The following MLIP variants were observed in gnomAD, a reference collection of about 807,000 sequenced individuals.
The protein encoded by MLIP is muscular LMNA-interacting protein.
In MLIP, 79 loss-of-function variants were observed where a neutral mutation model predicts 84.8. The observed-to-expected ratio is 0.93, with a 90% CI of 0.78 to 1.12. MLIP has a LOEUF of 1.12. Among genes scored for constraint, MLIP ranks in the 50% most tolerant of loss-of-function variants. The pLI, the probability that MLIP is intolerant of heterozygous loss-of-function variation, is 0.00. For synonymous variants in MLIP, 504 were observed against 463.0 expected (o/e 1.09, Z -1.14); for missense variants, 1,257 against 1,160.6 (o/e 1.08, Z -1.21).
rs79036898 is a variant in MLIP at position 54,048,659 on chromosome 6, T to C, written c.63+29568T>C. Among the ~76,000 whole-genome samples, 76 of 152,252 alleles carry C rather than the reference T, an allele frequency of 5.0e-4. 1 individual carries two copies. The South Asian group carries it at 7.0e-3, about 14-fold the overall frequency. ...GTTCAAGGCATAGGTTAAATATATG[T>C]TTCCCCTGAAGAGCAGAGTGGTTCC... is the stretch of plus-strand genomic sequence containing the variant. On this transcript the variant is annotated intron_variant, in intron 1 of 12. Coordinates refer to the MLIP transcript ENST00000274897.
chr6:54,188,190 T>A (rs1312552081), intron 9 of MLIP, among the ~76,000 whole-genome samples: 1 of 152,058 alleles, frequency 6.6e-6, no homozygotes, highest in Non-Finnish European at 1.5e-5. Flanking sequence ...AATCAATGAG[T>A]TAGTGGTGAG....
intron 1 of MLIP, among the ~76,000 whole-genome samples, chr6:54,075,331 A>C (rs1766738565): frequency 6.6e-6 from 1 of 151,208 alleles, no homozygotes; most frequent in South Asian, 2.1e-4. Flanking sequence ...ATTTTTATTC[A>C]AGGTAATTTA....
chr6:54,248,149 C>T (rs1782215421), intron 12 of MLIP, among the ~76,000 whole-genome samples: 1 of 151,944 alleles, frequency 6.6e-6, no homozygotes, highest in Admixed American at 6.6e-5. Flanking sequence ...GTACAATATT[C>T]CTTATAATCT....
chr6:54,170,237 T>C (rs1775636845), intron 9 of MLIP, among the ~76,000 whole-genome samples: 1 of 151,734 alleles, frequency 6.6e-6, no homozygotes, highest in African/African-American at 2.4e-5. Flanking sequence ...ATCTCCTTAG[T>C]AAGTGTTTAG....
chr6:54,045,382 A>C (rs556284948), intron 1 of MLIP: 1 of 151,904 alleles, frequency 6.6e-6, no homozygotes, highest in African/African-American at 2.4e-5. Flanking sequence ...ATGGTGATGC[A>C]CCATGCATGA....
intron 4 of MLIP, among the ~76,000 whole-genome samples, chr6:54,143,238 G>A (rs1342222153): frequency 1.4e-5 from 2 of 147,150 alleles, no homozygotes; most frequent in Non-Finnish European, 3.0e-5. Context: ...TTTTTTTGAG[G>A]TGTAGTTTCG....
intron 5 of MLIP, among the ~76,000 whole-genome samples, chr6:54,159,617 AT>A (rs1164013082): frequency 1.3e-5 from 2 of 152,040 alleles, no homozygotes; most frequent in African/African-American, 4.8e-5. Flanking sequence ...AGTAGTGAAA[AT>A]TCAGCAACAA....
At chr6:54,248,672 T>C (rs1024366693) in intron 12 of MLIP, among the ~76,000 whole-genome samples, 21 of 152,152 alleles carry the variant, frequency 1.4e-4, no homozygotes, top group Admixed American at 4.6e-4. Context: ...AGTCTTTATC[T>C]CTTGGGATGG....
chr6:54,245,707 A>G (rs1052808150), intron 12 of MLIP, among the ~76,000 whole-genome samples: 7 of 152,128 alleles, frequency 4.6e-5, no homozygotes, highest in African/African-American at 1.7e-4. Flanking sequence ...ACCACATGAA[A>G]CTGCCATTAT....
chr6:54,149,527 G>A (rs909672279), intron 5 of MLIP, among the ~76,000 whole-genome samples: 2 of 152,082 alleles, frequency 1.3e-5, no homozygotes, highest in Non-Finnish European at 2.9e-5. Context: ...GGCCACCTTG[G>A]GTTGTTGACT....
chr6:54,246,958 C>T (rs1782124634), intron 12 of MLIP, among the ~76,000 whole-genome samples: 1 of 152,124 alleles, frequency 6.6e-6, no homozygotes, highest in African/African-American at 2.4e-5. Flanking sequence ...ACGGCAGCAA[C>T]ACACTTAATC....
chr6:54,021,858 G>A (rs1455895057), intron 1 of MLIP, among the ~76,000 whole-genome samples: 1 of 152,144 alleles, frequency 6.6e-6, no homozygotes, highest in Non-Finnish European at 1.5e-5. Flanking sequence ...TTTCAAACAT[G>A]AGAAGAAAAA....
chr6:54,252,267 TATATA>T (rs1268743730), intron 12 of MLIP, among the ~76,000 whole-genome samples: 27 of 112,580 alleles, frequency 2.4e-4, no homozygotes, highest in African/African-American at 5.7e-4. Flanking sequence ...TAACATATAA[TATATA>T]ATATAACTAT....
At chr6:54,078,106 T>A (rs2150353102) in intron 1 of MLIP, among the ~76,000 whole-genome samples, 1 of 152,322 alleles carries the variant, frequency 6.6e-6, no homozygotes, top group South Asian at 2.1e-4. Flanking sequence ...TTACCTCCCC[T>A]GACGGGCAGG....
chr6:54,041,916 C>CA (rs1764765810), intron 1 of MLIP, among the ~76,000 whole-genome samples: 1 of 152,032 alleles, frequency 6.6e-6, no homozygotes, highest in Non-Finnish European at 1.5e-5. Flanking sequence ...TTATGACAAC[C>CA]AAAAATGTCC....
intron 11 of MLIP, chr6:54,216,290 C>G: frequency 1.2e-5 from 12 of 985,298 alleles, no homozygotes; most frequent in Non-Finnish European, 1.4e-5. Flanking sequence ...ATTGTAGAAG[C>G]CTATTTTCTA....
intron 1 of MLIP, among the ~76,000 whole-genome samples, chr6:54,079,188 A>G (rs1174298623): frequency 6.6e-6 from 1 of 152,180 alleles, no homozygotes; most frequent in Non-Finnish European, 1.5e-5. Flanking sequence ...TAGATACTAT[A>G]TTTTCTATCA....
chr6:54,241,846 C>T (rs1406324301), intron 12 of MLIP, among the ~76,000 whole-genome samples: 1 of 152,010 alleles, frequency 6.6e-6, no homozygotes, highest in Admixed American at 6.6e-5. Flanking sequence ...TGAGAGTGAG[C>T]AAATAGATGT....
chr6:54,230,839 C>G lies in MLIP; in HGVS notation c.2844C>G (p.Pro948=), dbSNP rs1342343109. ...ATGCTGACTGTCTTGCCCCAGGACCCTTCAGTCATCTGTCCTTCTCCTTGA... is the reference window on the plus strand; with the variant it reads ...ATGCTGACTGTCTTGCCCCAGGACCGTTCAGTCATCTGTCCTTCTCCTTGA... ...LSHADCLAPG[P]FSHLSFSLSD... Residue 948 remains proline, a synonymous_variant, in exon 12 of 14, where the codon CCC becomes CCG. Coordinates refer to ENST00000502396, the MANE Select transcript of MLIP (RefSeq NM_001281747.2). 6.2e-7 allele frequency: 1 copy of G among 1,614,072 alleles called. No homozygotes were observed. Among genetic ancestry groups the G allele is most frequent in the East Asian group, 2.2e-5 (1 of 44,864 alleles).
Sources: gnomAD v4.1 joint callset for allele counts (sites outside exome capture counted in the v4.1 genomes callset) on GRCh38, gnomAD v4.1.1 for gene constraint, MANE v1.5 for transcripts, NCBI Gene and HGNC (gene_info 2026-07-23, HGNC 2026-07-21) for gene names.